The following ENTPD5 variants were observed in gnomAD, a reference collection of about 807,000 sequenced individuals.
ENTPD5 encodes the protein ectonucleoside triphosphate diphosphohydrolase 5 (inactive).
ENTPD5 carries 49 observed loss-of-function variants against 60.2 expected under a neutral mutation model. The ratio of observed to expected loss-of-function variants is 0.81; its 90% CI spans 0.65 to 1.03. The LOEUF is 1.03. ENTPD5 is among the 50% of genes least tolerant of loss of function. The pLI is 0.00. For missense variants in ENTPD5, 480 were observed against 507.6 expected (o/e 0.95, Z 0.52); for synonymous variants, 187 against 185.4 (o/e 1.01, Z -0.07).
intron 3 of ENTPD5, among the ~76,000 whole-genome samples, chr14:73,994,269 G>A (rs903984985): frequency 6.6e-6 from 1 of 151,930 alleles, no homozygotes; most frequent in Non-Finnish European, 1.5e-5. Context: ...AGGATTACAG[G>A]CGCATACCAC....
At chr14:74,018,940 A>G (rs1238481634) in intron 1 of ENTPD5, 1 of 153,128 alleles carries the variant, frequency 6.5e-6, no homozygotes, top group South Asian at 2.1e-4. Context: ...CAGTGCCGGG[A>G]GCGGCAGAAG....
chr14:74,019,224 G>T (rs954408767), intron 1 of ENTPD5, 26 bp downstream of exon 1: 7 of 172,202 alleles, frequency 4.1e-5, no homozygotes, highest in Non-Finnish European at 8.1e-5. Context: ...TAGAGGATCC[G>T]GCGCCGCCGA....
At chr14:73,991,084 C>T (rs1181615271) in intron 3 of ENTPD5, among the ~76,000 whole-genome samples, 1 of 152,120 alleles carries the variant, frequency 6.6e-6, no homozygotes, top group Non-Finnish European at 1.5e-5. Context: ...ATAATGGCAT[C>T]CATACTTCAC....
At chr14:73,956,078 A>T (rs1379614418), downstream of ENTPD5, 1 of 1,113,954 alleles carries the variant, frequency 9.0e-7, no homozygotes, top group Admixed American at 1.8e-5. Context: ...TAATCCCAGC[A>T]CTTTTGGAGG....
At chr14:74,003,879 T>G (rs1386040890) in intron 3 of ENTPD5, among the ~76,000 whole-genome samples, 1 of 151,736 alleles carries the variant, frequency 6.6e-6, no homozygotes, top group Non-Finnish European at 1.5e-5. Context: ...GGAGGATCAC[T>G]GGAGCCCAGG....
chr14:73,970,722 T>C (rs2057186747), intron 14 of ENTPD5, among the ~76,000 whole-genome samples: 2 of 152,224 alleles, frequency 1.3e-5, no homozygotes. Flanking sequence ...CCCTTATCTA[T>C]TATTAATGGT....
intron 3 of ENTPD5, among the ~76,000 whole-genome samples, chr14:73,998,199 A>G (rs926545368): frequency 1.3e-5 from 2 of 152,136 alleles, no homozygotes; most frequent in African/African-American, 4.8e-5. Flanking sequence ...CCCCCAGCGC[A>G]GTGTTCCTTG....
intron 7 of ENTPD5, 35 bp downstream of exon 7, chr14:73,977,263 CT>C (rs1420762553): frequency 2.6e-6 from 4 of 1,534,348 alleles, no homozygotes; most frequent in Non-Finnish European, 3.6e-6. Context: ...GATCCTGCCC[CT>C]CTCCCCCTGG....
At chr14:74,002,533 C>T (rs1190180948) in intron 3 of ENTPD5, among the ~76,000 whole-genome samples, 1 of 151,658 alleles carries the variant, frequency 6.6e-6, no homozygotes, top group Non-Finnish European at 1.5e-5. Context: ...TCCTGAATAG[C>T]TGGGATAACA....
At chr14:73,958,706 C>G (rs1377831831), downstream of ENTPD5, 11 of 1,376,166 alleles carry the variant, frequency 8.0e-6, no homozygotes, top group Non-Finnish European at 9.4e-6. Context: ...CCTTATTGCT[C>G]TCTAGTTCAA....
chr14:74,014,703 T>C (rs1347474576), intron 2 of ENTPD5, among the ~76,000 whole-genome samples: 2 of 152,226 alleles, frequency 1.3e-5, no homozygotes, highest in Non-Finnish European at 2.9e-5. Flanking sequence ...CCTGCAGAGA[T>C]GTGAACTAGT....
rs777148741 is a variant in ENTPD5, at chr14:73,973,043, CA to C, written c.887-20del. ...ACCTCCCCTGCCAGGCAAAGGTGCACAGGGGTAAGGTGAGAACGACGCTGGG... is the reference window on the plus strand; with the variant it reads ...ACCTCCCCTGCCAGGCAAAGGTGCACGGGGTAAGGTGAGAACGACGCTGGG... On this transcript the variant is annotated intron_variant, in intron 12 of 15. Coordinates refer to ENST00000334696, the MANE Select transcript of ENTPD5 (RefSeq NM_001249.5). The C allele has an allele frequency of 6.2e-6, 10 of 1,613,712 alleles. No individual in the cohort carries two copies. The East Asian group carries it at 2.2e-4, about 36-fold the overall frequency.
At chr14:73,959,078 G>T, downstream of ENTPD5, 5 of 1,614,190 alleles carry the variant, frequency 3.1e-6, no homozygotes, top group Non-Finnish European at 4.2e-6. Context: ...ATTTATCAGA[G>T]GTAAGATCCT....
At chr14:73,969,595 T>C (rs1206682863) in intron 15 of ENTPD5, among the ~76,000 whole-genome samples, 1 of 152,014 alleles carries the variant, frequency 6.6e-6, no homozygotes. Flanking sequence ...TCCCAGCTAC[T>C]TGGGAGGCTG....
intron 6 of ENTPD5, 108 bp downstream of exon 6, chr14:73,982,910 G>C: frequency 1.8e-6 from 2 of 1,107,242 alleles, no homozygotes; most frequent in Non-Finnish European, 2.6e-6. Context: ...TGCTTTGGCA[G>C]TGGTGGAATA....
intron 1 of ENTPD5, among the ~76,000 whole-genome samples, chr14:74,016,614 T>G (rs1365921356): frequency 6.6e-6 from 1 of 152,070 alleles, no homozygotes; most frequent in Non-Finnish European, 1.5e-5. Context: ...CCAGCATGGT[T>G]AAGAGTAAGA....
chr14:73,960,205 T>TA (rs1432923764), downstream of ENTPD5: 1 of 988,288 alleles, frequency 1.0e-6, no homozygotes, highest in Admixed American at 5.9e-5. Context: ...GCATGGGGCT[T>TA]AAGAGTAAGC....
chr14:73,970,197 G>T (rs2057161521), intron 14 of ENTPD5, 72 bp from the exon 15 acceptor site: 1 of 1,162,680 alleles, frequency 8.6e-7, no homozygotes, highest in East Asian at 2.4e-5. Context: ...CTCTTAGAAA[G>T]AAGTGGAATA....
Position 73,988,173 on chromosome 14 carries a change from C to A in ENTPD5, c.-70-1G>T. The A allele has an allele frequency of 6.6e-7, 1 of 1,518,702 alleles. No homozygotes were observed. The highest frequency in any genetic ancestry group is 1.3e-5 in the South Asian group (1 of 78,848). 94.1% of individuals were successfully genotyped at this position (1,518,702 alleles called of 1,614,324 possible). On this transcript the variant is annotated splice_acceptor_variant, in intron 3 of 15. Coordinates refer to ENST00000334696, the MANE Select transcript of ENTPD5 (RefSeq NM_001249.5). LOFTEE classifies it low-confidence loss of function (5UTR_SPLICE). ...AATCCTGCTCGCACACCTGCAGAGG[C>A]TTATAGGACAAAGACACACAAGTTA...
Sources: allele counts gnomAD v4.1 joint callset (sites outside exome capture counted in the v4.1 genomes callset), GRCh38; gene constraint gnomAD v4.1.1; transcripts MANE v1.5; gene names NCBI Gene and HGNC (gene_info 2026-07-23, HGNC 2026-07-21).